ACTR10: variants seen among roughly 807,000 people sequenced by gnomAD.
ACTR10 encodes the protein actin related protein 10.
In ACTR10, 43 loss-of-function variants were observed where a neutral mutation model predicts 56.2. That is an observed-to-expected ratio of 0.77 (90% confidence interval 0.60 to 0.99). The LOEUF (loss-of-function observed/expected upper bound fraction) is 0.99, where lower values mean the gene tolerates loss of function less well. ACTR10 is among the 50% of genes least tolerant of loss of function. The probability of loss-of-function intolerance (pLI) is 0.00; values close to 1 mark genes in which losing one functional copy is unlikely to be tolerated. For missense variants in ACTR10, 466 were observed against 507.8 expected (o/e 0.92, Z 0.79); for synonymous variants, 170 against 176.3 (o/e 0.96, Z 0.28).
chr14:58,206,773 C>T (rs548395338), intron 2 of ACTR10, among the ~76,000 whole-genome samples: 11 of 152,228 alleles, frequency 7.2e-5, no homozygotes, highest in Admixed American at 5.2e-4. Flanking sequence ...TCATTTTTAT[C>T]ACACATATTT....
At position 58,223,674 on chromosome 14, in the gene ACTR10, A is replaced by C. The variant is rs777571418; in HGVS notation, c.687A>C (p.Ala229=). The C allele has an allele frequency of 6.2e-7, 1 of 1,613,610 alleles. No individual in the cohort carries two copies. The highest frequency in any genetic ancestry group is 1.1e-5 in the South Asian group (1 of 90,856). The change falls in exon 9 of 13, where the codon GCA becomes GCC. Residue 229 remains alanine, a synonymous_variant. Coordinates refer to ENST00000254286, the MANE Select transcript of ACTR10 (RefSeq NM_018477.3). ...AGCGAGGACTAAAAATCCAAGCAGC[A>C]AAATTTAATATTGATGGGAATAATG... is the stretch of plus-strand genomic sequence containing the variant. The part of the protein sequence containing the change: ...DLKRGLKIQA[A]KFNIDGNNER...
chr14:58,213,563 G>C, intron 5 of ACTR10, 68 bp from the exon 6 acceptor site: 2 of 1,063,948 alleles, frequency 1.9e-6, no homozygotes, highest in Non-Finnish European at 2.8e-6. Context: ...TACTGCAGAA[G>C]GTGAGGAAAA....
chr14:58,226,933 A>G (rs557412243), intron 10 of ACTR10, among the ~76,000 whole-genome samples: 3 of 152,298 alleles, frequency 2.0e-5, no homozygotes, highest in African/African-American at 7.2e-5. Flanking sequence ...GTATAGTTCC[A>G]TTGAAACCTT....
chr14:58,225,978 C>T (rs1889387424), intron 10 of ACTR10, among the ~76,000 whole-genome samples: 1 of 152,096 alleles, frequency 6.6e-6, no homozygotes, highest in Non-Finnish European at 1.5e-5. Context: ...TCCCAAAGTG[C>T]TGGGATTACA....
intron 2 of ACTR10, among the ~76,000 whole-genome samples, chr14:58,204,810 G>T (rs1007995437): frequency 1.2e-4 from 18 of 152,180 alleles, no homozygotes; most frequent in African/African-American, 4.3e-4. Context: ...TCTTTTTCTT[G>T]ATGAAAGTTA....
intron 8 of ACTR10, among the ~76,000 whole-genome samples, chr14:58,222,094 T>C (rs1023503311): frequency 1.8e-4 from 28 of 151,428 alleles, no homozygotes; most frequent in African/African-American, 6.3e-4. Context: ...ATTCACTACA[T>C]AATGTATTAT....
rs1648270820 is a variant in ACTR10 at position 58,209,265 on chromosome 14, G to A, written c.342+158G>A. On this transcript the variant is annotated intron_variant, in intron 4 of 12. Transcript: ENST00000254286. ...AAGCCCTTATTTTGTCTCATATTGTGTATGGCACACAGTGTAGTTGGGGAA... is the reference window on the plus strand; with the variant it reads ...AAGCCCTTATTTTGTCTCATATTGTATATGGCACACAGTGTAGTTGGGGAA... 21 of 482,540 alleles carry A rather than the reference G, an allele frequency of 4.4e-5. No individual in the cohort carries two copies. The South Asian group carries it at 5.6e-4, about 13-fold the overall frequency. 29.9% of individuals were successfully genotyped at this position (482,540 alleles called of 1,614,324 possible).
intron 2 of ACTR10, among the ~76,000 whole-genome samples, chr14:58,204,872 A>G (rs1053714094): frequency 7.9e-5 from 12 of 152,214 alleles, no homozygotes; most frequent in Non-Finnish European, 1.3e-4. Flanking sequence ...TAATACAACT[A>G]TAACATTTTT....
At chr14:58,233,915 A>T (rs998530755) in intron 12 of ACTR10, among the ~76,000 whole-genome samples, 1 of 152,220 alleles carries the variant, frequency 6.6e-6, no homozygotes, top group Non-Finnish European at 1.5e-5. Context: ...TTTTTAAAAG[A>T]CTGCCTTGTG....
chr14:58,224,056 A>G (rs1435540431), intron 10 of ACTR10, among the ~76,000 whole-genome samples, 200 bp downstream of exon 10: 2 of 151,922 alleles, frequency 1.3e-5, no homozygotes, highest in Non-Finnish European at 2.9e-5. Flanking sequence ...GCTGGAGTGC[A>G]GTGGCACGAT....
At chr14:58,216,543 A>G (rs190384782) in intron 7 of ACTR10, among the ~76,000 whole-genome samples, 52 of 152,294 alleles carry the variant, frequency 3.4e-4, no homozygotes, top group Non-Finnish European at 2.5e-4. Flanking sequence ...TCAAAATCTG[A>G]GTTTGTTCTA....
chr14:58,219,218 T>TA (rs1889209683), intron 7 of ACTR10, among the ~76,000 whole-genome samples: 1 of 152,296 alleles, frequency 6.6e-6, no homozygotes, highest in African/African-American at 2.4e-5. Flanking sequence ...TGGTAATATA[T>TA]CCAAACCAAA....
At chr14:58,221,097 C>T (rs1442402818) in intron 8 of ACTR10, among the ~76,000 whole-genome samples, 1 of 149,334 alleles carries the variant, frequency 6.7e-6, no homozygotes, top group African/African-American at 2.5e-5. Flanking sequence ...TTCTGGCCAA[C>T]ATGGTGAAAC....
intron 12 of ACTR10, 131 bp downstream of exon 12, chr14:58,232,398 CTTTTTCTTTTTTTTTT>C: frequency 4.9e-6 from 1 of 204,740 alleles, no homozygotes. Context: ...CTAACACTGA[CTTTTTCTTTTTTTTTT>C]TTTTTTTTTT....
intron 10 of ACTR10, 136 bp downstream of exon 10, chr14:58,223,992 AT>A (rs1889342425): frequency 5.4e-6 from 4 of 740,798 alleles, no homozygotes; most frequent in Non-Finnish European, 4.3e-6. Context: ...ATTATTCATG[AT>A]TAATTTTATT....
chr14:58,218,235 C>T (rs1566626840), intron 7 of ACTR10, among the ~76,000 whole-genome samples: 2 of 152,128 alleles, frequency 1.3e-5, no homozygotes, highest in African/African-American at 2.4e-5. Flanking sequence ...TTTTAAATTG[C>T]AGGTTCTTAC....
chr14:58,207,763 G>A (rs901930178), intron 2 of ACTR10, among the ~76,000 whole-genome samples, 173 bp from the exon 3 acceptor site: 1 of 152,054 alleles, frequency 6.6e-6, no homozygotes, highest in Non-Finnish European at 1.5e-5. Context: ...TAGACATTCC[G>A]ATTCTTAAGG....
At chr14:58,232,669 C>A (rs1188658666) in intron 12 of ACTR10, among the ~76,000 whole-genome samples, 3 of 151,918 alleles carry the variant, frequency 2.0e-5, no homozygotes, top group Admixed American at 2.0e-4. Context: ...CCACCTTGGC[C>A]TCCCAAAGTG....
chr14:58,223,086 A>G (rs1318243417), intron 8 of ACTR10, among the ~76,000 whole-genome samples: 1 of 152,140 alleles, frequency 6.6e-6, no homozygotes, highest in Non-Finnish European at 1.5e-5. Flanking sequence ...AACATGTTTT[A>G]TGACACCTTA....
Sources: gnomAD v4.1 joint callset for allele counts (sites outside exome capture counted in the v4.1 genomes callset) on GRCh38, gnomAD v4.1.1 for gene constraint, MANE v1.5 for transcripts, NCBI Gene and HGNC (gene_info 2026-07-23, HGNC 2026-07-21) for gene names.